The following ZNF728 variants were observed in gnomAD, a reference collection of about 807,000 sequenced individuals.
ZNF728 encodes zinc finger protein 728.
Under a neutral mutation model 12.5 loss-of-function variants are expected in ZNF728, and 12 were observed. The observed-to-expected ratio is 0.96, with a 90% confidence interval of 0.61 to 1.55. The LOEUF is 1.55. Ranked by LOEUF, ZNF728 falls within the 40% of genes most tolerant of loss-of-function variation. The pLI is 0.00. For synonymous variants in ZNF728, 205 were observed against 240.7 expected (o/e 0.85, Z 1.37); for missense variants, 692 against 719.2 (o/e 0.96, Z 0.43).
intron 2 of ZNF728, among the ~76,000 whole-genome samples, chr19:22,987,656 C>T (rs1968932417): frequency 6.6e-6 from 1 of 151,976 alleles, no homozygotes; most frequent in South Asian, 2.1e-4. Flanking sequence ...AGTATTTATG[C>T]CAGTAAAATT....
At chr19:23,000,266 T>C (rs1432768728) in intron 1 of ZNF728, among the ~76,000 whole-genome samples, 1 of 151,900 alleles carries the variant, frequency 6.6e-6, no homozygotes, top group East Asian at 2.0e-4. Context: ...TAGTCCCAGC[T>C]ACTCGGGAGA....
At chr19:22,985,105 G>A (rs1209226699) in intron 3 of ZNF728, among the ~76,000 whole-genome samples, 3 of 151,896 alleles carry the variant, frequency 2.0e-5, no homozygotes, top group African/African-American at 7.3e-5. Flanking sequence ...TAAAAATACT[G>A]GAATATCACT....
chr19:22,982,132 T>C (rs1307975828), intron 3 of ZNF728, among the ~76,000 whole-genome samples: 2 of 152,210 alleles, frequency 1.3e-5, no homozygotes, highest in East Asian at 3.9e-4. Context: ...CCCCATTGTC[T>C]CAGCCCAAAA....
intron 3 of ZNF728, among the ~76,000 whole-genome samples, chr19:22,981,125 A>G (rs1968857989): frequency 6.6e-6 from 1 of 152,084 alleles, no homozygotes; most frequent in African/African-American, 2.4e-5. Flanking sequence ...ACAAATAGAT[A>G]AGACTGCTAG....
At chr19:22,990,182 G>A (rs1420307034) in intron 1 of ZNF728, among the ~76,000 whole-genome samples, 1 of 152,008 alleles carries the variant, frequency 6.6e-6, no homozygotes, top group East Asian at 1.9e-4. Context: ...GAGAAGTACA[G>A]GTTTGCAAGT....
chr19:22,993,649 C>T (rs934977031), intron 1 of ZNF728, among the ~76,000 whole-genome samples: 8 of 151,852 alleles, frequency 5.3e-5, no homozygotes, highest in Admixed American at 2.0e-4. Context: ...AAATTGGTTG[C>T]GAGAAATTCT....
chr19:22,988,528 G>C, intron 1 of ZNF728, 77 bp from the exon 2 acceptor site: 2 of 1,581,930 alleles, frequency 1.3e-6, no homozygotes, highest in Non-Finnish European at 1.7e-6. Context: ...AGGTAAAATG[G>C]AAAGAGTAAA....
intron 3 of ZNF728, among the ~76,000 whole-genome samples, chr19:22,987,079 C>T (rs1368172668): frequency 6.6e-6 from 1 of 152,124 alleles, no homozygotes; most frequent in Non-Finnish European, 1.5e-5. Context: ...TTGGCTGTCA[C>T]TGTAAACTTG....
intron 2 of ZNF728, 29 bp downstream of exon 2, chr19:22,988,296 T>G (rs766326657): frequency 6.8e-6 from 11 of 1,613,872 alleles, no homozygotes; most frequent in Non-Finnish European, 9.3e-6. Flanking sequence ...TAGTGTATAC[T>G]AGGAATTGCG....
At chr19:22,984,577 TACAC>T (rs57794293) in intron 3 of ZNF728, among the ~76,000 whole-genome samples, 22,597 of 109,016 alleles carry the variant, frequency 0.21, 2,059 homozygotes, top group Non-Finnish European at 0.22. Context: ...AAAAAAAAAA[TACAC>T]ACACACACAC....
intron 3 of ZNF728, among the ~76,000 whole-genome samples, chr19:22,981,039 G>A (rs1968856215): frequency 6.6e-6 from 1 of 151,574 alleles, no homozygotes; most frequent in Non-Finnish European, 1.5e-5. Context: ...CAGAACAGAA[G>A]GAGAGACAGA....
At chr19:22,988,089 G>A (rs1232773393) in intron 2 of ZNF728, among the ~76,000 whole-genome samples, 2 of 152,028 alleles carry the variant, frequency 1.3e-5, no homozygotes, top group Admixed American at 1.3e-4. Flanking sequence ...AAGTCAAGCA[G>A]CTGACCACAA....
rs1214394292 is a variant in ZNF728, at chr19:22,987,225, A to T, written c.226+83T>A. ...CCAGAAACTATTTCTTTTGGAACAC[A>T]GCTTCCCATATCACTTTAAGGACTG... On this transcript the variant is annotated intron_variant, in intron 3 of 3. Coordinates refer to ENST00000594710, the MANE Select transcript of ZNF728 (RefSeq NM_001267716.2). 2.4e-6 allele frequency: 3 copies of T among 1,245,146 alleles called. No homozygotes were observed. In the African/African-American group the frequency reaches 4.7e-5, roughly 19 times the overall value. The allele number at this position is 1,245,146 out of a possible 1,614,324, so 77.1% of individuals were successfully genotyped here.
At chr19:22,985,475 T>G (rs1021616583) in intron 3 of ZNF728, among the ~76,000 whole-genome samples, 4 of 152,126 alleles carry the variant, frequency 2.6e-5, no homozygotes, top group Admixed American at 1.3e-4. Context: ...ATAAGTGCCT[T>G]TAAGAGAGCT....
At chr19:22,993,818 G>C (rs1238006826) in intron 1 of ZNF728, among the ~76,000 whole-genome samples, 2 of 152,160 alleles carry the variant, frequency 1.3e-5, no homozygotes, top group Admixed American at 1.3e-4. Flanking sequence ...AAAAAAGGGA[G>C]AAAAACATGA....
At chr19:22,981,573 A>T (rs1331011398) in intron 3 of ZNF728, among the ~76,000 whole-genome samples, 1 of 152,152 alleles carries the variant, frequency 6.6e-6, no homozygotes, top group East Asian at 1.9e-4. Flanking sequence ...AGACACAACA[A>T]CAACAGAAAA....
chr19:22,996,883 C>A (rs1481403636), intron 1 of ZNF728, among the ~76,000 whole-genome samples: 5 of 152,120 alleles, frequency 3.3e-5, no homozygotes, highest in Non-Finnish European at 7.4e-5. Flanking sequence ...GGTCTCTGGA[C>A]AAGTTCTTGA....
Position 22,975,693 on chromosome 19 carries a change from G to A in ZNF728, c.1644C>T (p.Ser548=). The A allele has an allele frequency of 6.2e-7, 1 of 1,611,586 alleles. No homozygotes were observed. ...TTCTCTTATGTTCACTAAGTCTTGA[G>A]GACCAGATGAAGGCTTTGCCACATT... is the stretch of plus-strand genomic sequence containing the variant. The part of the protein sequence containing the change: ...CEECGKAFIW[S]SRLSEHKRIH... Residue 548 remains serine, a synonymous_variant, in exon 4 of 4, where the codon TCC becomes TCT. Coordinates refer to ENST00000594710, the MANE Select transcript of ZNF728 (RefSeq NM_001267716.2).
At chr19:22,982,587 C>T (rs1968872045) in intron 3 of ZNF728, among the ~76,000 whole-genome samples, 2 of 152,134 alleles carry the variant, frequency 1.3e-5, no homozygotes, top group Non-Finnish European at 2.9e-5. Flanking sequence ...AGGCATCATG[C>T]TACCTGACTT....
Sources: allele counts gnomAD v4.1 joint callset (sites outside exome capture counted in the v4.1 genomes callset), GRCh38; gene constraint gnomAD v4.1.1; transcripts MANE v1.5; gene names NCBI Gene and HGNC (gene_info 2026-07-23, HGNC 2026-07-21).